Variants in TAMM41 observed in about 807,000 individuals in gnomAD.
TAMM41 encodes the protein TAM41 mitochondrial translocator assembly and maintenance homolog.
A neutral mutation model predicts 44.1 loss-of-function variants in TAMM41; 36 were observed. The observed-to-expected ratio is 0.82, with a 90% CI of 0.63 to 1.08. TAMM41 has a LOEUF of 1.08. Ranked by LOEUF, TAMM41 falls within the 50% of genes least tolerant of loss-of-function variation. The pLI is 0.00. For missense variants in TAMM41, 417 were observed against 404.3 expected, an observed-to-expected ratio of 1.03 and a Z score of -0.27; for synonymous variants, 164 against 153.1, an observed-to-expected ratio of 1.07 and a Z score of -0.53.
At chr3:11,756,652 G>A in the TAMM41 span, among the ~76,000 whole-genome samples, 4 of 152,010 alleles carry the variant, frequency 2.6e-5, no homozygotes, top group Non-Finnish European at 5.9e-5. Context: ...GATCACATGA[G>A]GTAGGGAGTT....
intron 4 of TAMM41, among the ~76,000 whole-genome samples, chr3:11,824,870 G>A (rs551863904): frequency 2.0e-5 from 3 of 152,104 alleles, no homozygotes; most frequent in Non-Finnish European, 4.4e-5. Flanking sequence ...AGTGCTATGG[G>A]GAAAACACAA....
intron 4 of TAMM41, among the ~76,000 whole-genome samples, chr3:11,819,336 G>A (rs999163909): frequency 3.9e-5 from 6 of 152,192 alleles, no homozygotes; most frequent in South Asian, 2.1e-4. Flanking sequence ...CTCCTCTCAG[G>A]TAGATAGGAT....
the TAMM41 span, among the ~76,000 whole-genome samples, chr3:11,757,976 G>T: frequency 3.3e-5 from 5 of 152,198 alleles, no homozygotes; most frequent in African/African-American, 1.2e-4. Flanking sequence ...TTATAAAGGA[G>T]AGTTACAGAG....
chr3:11,732,226 C>T, the TAMM41 span, among the ~76,000 whole-genome samples: 435 of 152,168 alleles, frequency 2.9e-3, 4 homozygotes, highest in East Asian at 0.018. Flanking sequence ...TCTATTTCTT[C>T]GTTCATCCTT....
intron 1 of TAMM41, among the ~76,000 whole-genome samples, chr3:11,845,276 C>T (rs1054611060): frequency 6.6e-6 from 1 of 152,006 alleles, no homozygotes; most frequent in African/African-American, 2.4e-5. Flanking sequence ...TTAGCTAAGG[C>T]GCTAAGGATG....
At chr3:11,760,896 G>A in the TAMM41 span, among the ~76,000 whole-genome samples, 123 of 151,950 alleles carry the variant, frequency 8.1e-4, no homozygotes, top group African/African-American at 2.8e-3. Context: ...CCCAGGCGTG[G>A]TGGCTCACAT....
chr3:11,830,145 A>C (rs2078925083), intron 3 of TAMM41, among the ~76,000 whole-genome samples: 1 of 152,216 alleles, frequency 6.6e-6, no homozygotes, highest in African/African-American at 2.4e-5. Context: ...AAAAAGAGCA[A>C]AAGTCCTTTG....
the TAMM41 span, among the ~76,000 whole-genome samples, chr3:11,775,787 C>T: frequency 1.3e-5 from 2 of 152,112 alleles, no homozygotes; most frequent in South Asian, 4.1e-4. Flanking sequence ...TGCATGCCTG[C>T]CGATGTTTCA....
chr3:11,786,311 T>TTA (rs1553564681), downstream of TAMM41, among the ~76,000 whole-genome samples: 3 of 147,610 alleles, frequency 2.0e-5, no homozygotes, highest in Admixed American at 6.8e-5. Context: ...ATTATTATTA[T>TTA]TATTATTTTT....
At chr3:11,740,311 T>C in the TAMM41 span, among the ~76,000 whole-genome samples, 4 of 152,140 alleles carry the variant, frequency 2.6e-5, no homozygotes, top group Non-Finnish European at 4.4e-5. Context: ...TTTTCTTTCT[T>C]TTTTTAAGTG....
chr3:11,754,621 G>C, the TAMM41 span, among the ~76,000 whole-genome samples: 5 of 150,604 alleles, frequency 3.3e-5, no homozygotes, highest in Non-Finnish European at 7.4e-5. Flanking sequence ...CTCCTGCCTT[G>C]AACTCCCAAA....
chr3:11,819,358 T>A (rs969435392), intron 4 of TAMM41, among the ~76,000 whole-genome samples: 1 of 152,180 alleles, frequency 6.6e-6, no homozygotes, highest in African/African-American at 2.4e-5. Flanking sequence ...CTATCCCCAT[T>A]CATACACAAG....
the TAMM41 span, among the ~76,000 whole-genome samples, chr3:11,731,273 A>G: frequency 6.6e-6 from 1 of 152,212 alleles, no homozygotes; most frequent in Admixed American, 6.5e-5. Flanking sequence ...TTATAGTTTA[A>G]TATCCTTCTA....
chr3:11,762,482 C>T, the TAMM41 span, among the ~76,000 whole-genome samples: 3 of 152,124 alleles, frequency 2.0e-5, no homozygotes, highest in Non-Finnish European at 2.9e-5. Context: ...TTACATCTTC[C>T]CATCCTGAGT....
intron 4 of TAMM41, among the ~76,000 whole-genome samples, chr3:11,817,806 T>C (rs1365594738): frequency 5.3e-5 from 8 of 152,226 alleles, no homozygotes; most frequent in African/African-American, 1.7e-4. Context: ...AATCTTATCA[T>C]ATTTTACAAA....
intron 2 of TAMM41, among the ~76,000 whole-genome samples, chr3:11,841,071 C>CTTT (rs1559329571): frequency 2.0e-5 from 2 of 98,294 alleles, no homozygotes; most frequent in East Asian, 3.1e-4. Context: ...CAGCCCATTT[C>CTTT]TATTTTTTTT....
chr3:11,813,495 A>G (rs1466148181), intron 5 of TAMM41, among the ~76,000 whole-genome samples: 1 of 152,146 alleles, frequency 6.6e-6, no homozygotes, highest in East Asian at 1.9e-4. Flanking sequence ...GCGCCACTGC[A>G]CTCCAGCCTG....
chr3:11,761,776 G>A, the TAMM41 span, among the ~76,000 whole-genome samples: 1 of 151,614 alleles, frequency 6.6e-6, no homozygotes, highest in Non-Finnish European at 1.5e-5. Context: ...GTGAAATCCT[G>A]TCTCTACTAA....
the TAMM41 span, among the ~76,000 whole-genome samples, chr3:11,733,523 C>T: frequency 2.0e-4 from 29 of 148,004 alleles, no homozygotes; most frequent in African/African-American, 6.2e-4. Context: ...GACGGAGTCT[C>T]GCTCTGTCAC....
Sources: gnomAD v4.1 joint callset for allele counts (sites outside exome capture counted in the v4.1 genomes callset) on GRCh38, gnomAD v4.1.1 for gene constraint, MANE v1.5 for transcripts, NCBI Gene and HGNC (gene_info 2026-07-23, HGNC 2026-07-21) for gene names.